PCDH7: variants seen among roughly 807,000 people sequenced by gnomAD.
PCDH7 encodes protocadherin 7.
A neutral mutation model predicts 58.9 loss-of-function variants in PCDH7; 17 were observed. The observed-to-expected ratio is 0.29, with a 90% CI of 0.20 to 0.43. The LOEUF (loss-of-function observed/expected upper bound fraction) is 0.43, where lower values mean the gene tolerates loss of function less well. Among genes scored for constraint, PCDH7 ranks in the 20% least tolerant of loss-of-function variants. The pLI is 1.00. For synonymous variants in PCDH7, 664 were observed against 616.4 expected (o/e 1.08, Z -1.14); for missense variants, 1,274 against 1,441.0 (o/e 0.88, Z 1.88).
intron 3 of PCDH7, among the ~76,000 whole-genome samples, chr4:31,036,634 A>G (rs1366820149): frequency 2.0e-5 from 3 of 152,346 alleles, no homozygotes; most frequent in Middle Eastern, 6.8e-3. Flanking sequence ...TCATTCTTTC[A>G]TCGAAAATGT....
intron 1 of PCDH7, among the ~76,000 whole-genome samples, chr4:30,751,632 T>A (rs1358677103): frequency 5.3e-5 from 8 of 152,152 alleles, no homozygotes; most frequent in Admixed American, 5.2e-4. Flanking sequence ...TATATATATT[T>A]TGCATGGTCT....
intron 3 of PCDH7, among the ~76,000 whole-genome samples, chr4:31,080,477 G>T (rs1350088200): frequency 5.3e-5 from 8 of 152,050 alleles, no homozygotes; most frequent in African/African-American, 1.2e-4. Flanking sequence ...TCATTAGTGA[G>T]TTGACAAGGT....
intron 3 of PCDH7, among the ~76,000 whole-genome samples, chr4:30,958,921 T>G (rs1024346670): frequency 3.9e-5 from 6 of 152,102 alleles, no homozygotes; most frequent in Admixed American, 3.9e-4. Context: ...AATACCATAC[T>G]TTTTAAGCAT....
chr4:30,988,969 A>T (rs896819345), intron 3 of PCDH7, among the ~76,000 whole-genome samples: 4 of 152,180 alleles, frequency 2.6e-5, no homozygotes, highest in African/African-American at 9.6e-5. Flanking sequence ...TTTTAATTGA[A>T]AGTTCATCAA....
intron 2 of PCDH7, among the ~76,000 whole-genome samples, chr4:30,935,701 G>A (rs1355843297): frequency 6.6e-6 from 1 of 152,130 alleles, no homozygotes; most frequent in Non-Finnish European, 1.5e-5. Flanking sequence ...AATATTCAGA[G>A]CAGTGAGCAA....
At chr4:30,805,725 T>C (rs903605575) in intron 1 of PCDH7, among the ~76,000 whole-genome samples, 1 of 152,154 alleles carries the variant, frequency 6.6e-6, no homozygotes, top group African/African-American at 2.4e-5. Flanking sequence ...TTCCAACCTA[T>C]CAGTCATTAC....
chr4:31,110,348 G>T (rs150534403), intron 3 of PCDH7, among the ~76,000 whole-genome samples: 1 of 152,072 alleles, frequency 6.6e-6, no homozygotes, highest in East Asian at 1.9e-4. Context: ...TCATAACCTC[G>T]TACAAGTTTT....
At chr4:31,097,237 A>G (rs937835618) in intron 3 of PCDH7, among the ~76,000 whole-genome samples, 9 of 151,978 alleles carry the variant, frequency 5.9e-5, no homozygotes, top group African/African-American at 2.2e-4. Flanking sequence ...TGGGTGAATC[A>G]CCTGAGGTCA....
chr4:31,064,938 T>G (rs370366802), intron 3 of PCDH7, among the ~76,000 whole-genome samples: 1 of 152,044 alleles, frequency 6.6e-6, no homozygotes, highest in South Asian at 2.1e-4. Flanking sequence ...TCTAACATAT[T>G]GTAAATAACT....
At chr4:31,086,136 T>G (rs1015854244) in intron 3 of PCDH7, among the ~76,000 whole-genome samples, 4 of 152,206 alleles carry the variant, frequency 2.6e-5, no homozygotes, top group African/African-American at 9.6e-5. Flanking sequence ...TTGTAGAGGC[T>G]TATTAGGTGA....
intron 1 of PCDH7, among the ~76,000 whole-genome samples, chr4:30,785,125 C>A (rs1312352744): frequency 6.6e-6 from 1 of 151,974 alleles, no homozygotes; most frequent in Non-Finnish European, 1.5e-5. Flanking sequence ...AAATGAATAA[C>A]TTCACAAAAA....
intron 3 of PCDH7, among the ~76,000 whole-genome samples, chr4:31,130,538 A>G (rs2109335759): frequency 6.6e-6 from 1 of 152,348 alleles, no homozygotes; most frequent in South Asian, 2.1e-4. Flanking sequence ...TAAGGTTCCC[A>G]TTGTAGCTAT....
chr4:31,056,602 G>GGA lies in PCDH7; in HGVS notation c.*8-85859_*8-85858dup, dbSNP rs200443037. Among the ~76,000 whole-genome samples the GGA allele has an allele frequency of 1.1e-3, 155 of 147,460 alleles. 4 individuals carry two copies. Among genetic ancestry groups the GGA allele is most frequent in the African/African-American group, 3.7e-3 (145 of 39,624 alleles). On this transcript the variant is annotated intron_variant, in intron 3 of 3. Transcript: ENST00000509759. The stretch of plus-strand genomic sequence containing the variant: ...GAAGGGAAGGGAGGAAGGAAGGAAA[G>GGA]GAGAGAGAGAGAGTGAAAGACAGAG...
At chr4:31,136,618 C>T (rs1264801019) in intron 3 of PCDH7, among the ~76,000 whole-genome samples, 5 of 152,258 alleles carry the variant, frequency 3.3e-5, no homozygotes, top group Non-Finnish European at 4.4e-5. Flanking sequence ...GTGACACTTA[C>T]TTAGATAACT....
chr4:31,109,156 C>A (rs749607871), intron 3 of PCDH7, among the ~76,000 whole-genome samples: 41 of 152,074 alleles, frequency 2.7e-4, no homozygotes, highest in Non-Finnish European at 5.4e-4. Context: ...TTCCATTAAT[C>A]AAAGCAAGTC....
At position 30,810,262 on chromosome 4, in the gene PCDH7, G is replaced by T. The variant is rs1171675698; in HGVS notation, c.70+85666G>T. ...CATCTTGTAACATATAGTTCCTTAT[G>T]TCTGCTACAATATCCATAATAAACG... On this transcript the variant is annotated intron_variant, in intron 1 of 3. Transcript: ENST00000509759. Among the ~76,000 whole-genome samples, 3 of 151,922 alleles carry T rather than the reference G, an allele frequency of 2.0e-5. No individual in the cohort carries two copies. In the South Asian group the frequency reaches 6.2e-4, roughly 31 times the overall value.
intron 3 of PCDH7, among the ~76,000 whole-genome samples, chr4:31,077,439 G>GA (rs1235364895): frequency 1.3e-5 from 2 of 149,866 alleles, no homozygotes; most frequent in African/African-American, 2.5e-5. Context: ...AAGAAAAAAA[G>GA]AAAAAAAATA....
At position 30,967,685 on chromosome 4, in the gene PCDH7, G is replaced by T. The variant is rs532621291; in HGVS notation, c.*7+17470G>T. ...ATGTTACATTCAAACTAAGCATGTTGACCTACGTAAGCCTTCTGAGCCAAA... is the reference window on the plus strand; with the variant it reads ...ATGTTACATTCAAACTAAGCATGTTTACCTACGTAAGCCTTCTGAGCCAAA... On this transcript the variant is annotated intron_variant, in intron 3 of 3. Transcript: ENST00000509759. Among the ~76,000 whole-genome samples, 4 of 152,166 alleles carry T rather than the reference G, an allele frequency of 2.6e-5. No homozygotes were observed. The South Asian group carries it at 6.2e-4, about 24-fold the overall frequency.
At chr4:31,017,547 G>C (rs1753715463) in intron 3 of PCDH7, among the ~76,000 whole-genome samples, 1 of 152,004 alleles carries the variant, frequency 6.6e-6, no homozygotes, top group Non-Finnish European at 1.5e-5. Flanking sequence ...ATTTAATAAA[G>C]TTTCTGATAT....
Sources: gnomAD v4.1 joint callset for allele counts (sites outside exome capture counted in the v4.1 genomes callset) on GRCh38, gnomAD v4.1.1 for gene constraint, MANE v1.5 for transcripts, NCBI Gene and HGNC (gene_info 2026-07-23, HGNC 2026-07-21) for gene names.